Variants in CYB5R3 observed in about 807,000 individuals in gnomAD.
CYB5R3 encodes NADH-cytochrome b5 reductase 3.
Under a neutral mutation model 36.5 loss-of-function variants are expected in CYB5R3, and 28 were observed. That is an observed-to-expected ratio of 0.77 (90% confidence interval 0.57 to 1.05). The LOEUF (loss-of-function observed/expected upper bound fraction) is 1.05. CYB5R3 is among the 50% of genes least tolerant of loss of function. CYB5R3 has a pLI of 0.00. For synonymous variants in CYB5R3, 181 were observed against 159.8 expected (o/e 1.13, Z -1.00); for missense variants, 474 against 408.9 (o/e 1.16, Z -1.37).
At chr22:42,627,452 G>T in intron 6 of CYB5R3, 63 bp from the exon 7 acceptor site, 1 of 1,554,312 alleles carries the variant, frequency 6.4e-7, no homozygotes, top group Non-Finnish European at 8.8e-7. Context: ...GCACCGCCCC[G>T]CCCAGGTGTA....
intron 7 of CYB5R3, among the ~76,000 whole-genome samples, chr22:42,626,327 T>A (rs1455245025): frequency 6.6e-6 from 1 of 152,080 alleles, no homozygotes; most frequent in Non-Finnish European, 1.5e-5. Flanking sequence ...AATAAATAAA[T>A]AAAACCCTGG....
At chr22:42,636,621 T>C (rs957280400) in intron 2 of CYB5R3, 94 bp downstream of exon 2, 13 of 1,546,040 alleles carry the variant, frequency 8.4e-6, no homozygotes, top group Non-Finnish European at 8.7e-6. Context: ...TGGACAACAG[T>C]ATCTACTTCA....
chr22:42,643,116 T>G (rs1601950201), intron 1 of CYB5R3, among the ~76,000 whole-genome samples: 1 of 152,196 alleles, frequency 6.6e-6, no homozygotes, highest in East Asian at 1.9e-4. Context: ...GCTCCTAACC[T>G]CTCAAGGCCT....
chr22:42,631,516 C>T (rs1483156173), intron 2 of CYB5R3, 66 bp from the exon 3 acceptor site: 2 of 1,366,498 alleles, frequency 1.5e-6, no homozygotes, highest in African/African-American at 1.4e-5. Flanking sequence ...GGCTCCCAGG[C>T]CTCGGAGCCC....
chr22:42,635,204 G>C (rs5751314), intron 2 of CYB5R3, among the ~76,000 whole-genome samples: 41,871 of 151,778 alleles, frequency 0.28, 7,126 homozygotes, highest in South Asian at 0.4. Context: ...TCCTGACCTT[G>C]TGATCCGCCT....
intron 6 of CYB5R3, 57 bp downstream of exon 6, chr22:42,627,548 C>A: frequency 6.4e-7 from 1 of 1,554,258 alleles, no homozygotes; most frequent in South Asian, 1.1e-5. Context: ...CTCACCCACA[C>A]CCCAACCCCA....
At chr22:42,644,701 G>A (rs933421212) in intron 1 of CYB5R3, 1 of 981,962 alleles carries the variant, frequency 1.0e-6, no homozygotes, top group African/African-American at 1.8e-5. Flanking sequence ...ATAGAGTCTA[G>A]GGAAAAAGTT....
In CYB5R3 at chr22:42,636,736, C is replaced by T. The variant is rs5996200; in HGVS notation, c.132G>A (p.Pro44=). 0.13 allele frequency: 216,337 copies of T among 1,612,544 alleles called. 15,689 individuals are homozygous for T. Among genetic ancestry groups the T allele is most frequent in the Middle Eastern group, 0.18 (1,072 of 6,054 alleles). The change falls in exon 2 of 9, where the codon CCG becomes CCA. Residue 44 remains proline, a synonymous_variant. Transcript: ENST00000352397. ...TCACCTCCCGGTCGATGAGCCGCAG[C>T]GGGTACTTGATGTCCGGGCTCTCGA... ...ITLESPDIKY[P]LRLIDREIIS...
intron 5 of CYB5R3, among the ~76,000 whole-genome samples, chr22:42,627,912 G>A (rs534193807): frequency 1.1e-4 from 17 of 152,248 alleles, no homozygotes; most frequent in African/African-American, 4.1e-4. Context: ...TGCTGAGAAA[G>A]CCAAATAGAG....
intron 8 of CYB5R3, among the ~76,000 whole-genome samples, chr22:42,620,645 A>G (rs1193059114): frequency 6.6e-6 from 1 of 152,212 alleles, no homozygotes; most frequent in Non-Finnish European, 1.5e-5. Context: ...TGGCTGACAC[A>G]GACACCCTGC....
In CYB5R3 at chr22:42,628,212, G is replaced by A; in HGVS notation, c.403C>T (p.Gln135Ter). 5 of 1,614,122 alleles carry A rather than the reference G, an allele frequency of 3.1e-6. No individual in the cohort carries two copies. Among genetic ancestry groups the A allele is most frequent in the Non-Finnish European group, 4.2e-6 (5 of 1,179,982 alleles). ...CGGAACTCAATGGTGTCTCCAATCT[G>A]CATGCTCTCCAGGTACTGAGACATC... ...GKMSQYLESM[Q>*]IGDTIEFRGP... Residue 135 changes from glutamine to a stop codon, truncating the protein, a stop_gained, in exon 5 of 9, where the codon CAG becomes TAG. Transcript: ENST00000352397. LOFTEE classifies it high-confidence loss of function.
intron 2 of CYB5R3, among the ~76,000 whole-genome samples, chr22:42,635,278 G>T (rs949446286): frequency 6.6e-6 from 1 of 150,946 alleles, no homozygotes; most frequent in Non-Finnish European, 1.5e-5. Context: ...CCAATTTTTT[G>T]TATTTTTAGT....
At position 42,619,927 on chromosome 22, in the gene CYB5R3, C is replaced by A. The variant is rs772395978; in HGVS notation, c.752G>T (p.Gly251Val). The change falls in exon 9 of 9, where the codon GGC (glycine) becomes GTC (valine). Residue 251 changes from glycine to valine, a missense_variant. Gly to Val is a moderately radical substitution (Grantham distance 109). Transcript: ENST00000352397. ...RAPEAWDYGQGFVNEEMIRDH... is the reference protein window; with the variant it reads ...RAPEAWDYGQVFVNEEMIRDH... ...CCGGATCATCTCCTCATTCACGAAGCCCTGGCCGTAGTCCCAGGCTGTGGG... is the reference window on the plus strand; with the variant it reads ...CCGGATCATCTCCTCATTCACGAAGACCTGGCCGTAGTCCCAGGCTGTGGG... 2 of 1,603,774 alleles carry A rather than the reference C, an allele frequency of 1.2e-6. No homozygotes were observed. Among genetic ancestry groups the A allele is most frequent in the Non-Finnish European group, 1.7e-6 (2 of 1,175,130 alleles).
chr22:42,631,547 G>C, intron 2 of CYB5R3, 97 bp from the exon 3 acceptor site: 1 of 1,056,482 alleles, frequency 9.5e-7, no homozygotes, highest in Non-Finnish European at 1.4e-6. Context: ...CCTCCTTTGT[G>C]TCCCCACCCT....
In CYB5R3 at chr22:42,636,866, G is replaced by A. The variant is rs751028345; in HGVS notation, c.22-20C>T. The A allele has an allele frequency of 7.4e-6, 12 of 1,611,186 alleles. No individual in the cohort carries two copies. The highest frequency in any genetic ancestry group is 1.3e-5 in the African/African-American group (1 of 74,906). ...GCCCAACTGAAACGACAGGACCCGCGGGGTCAGTGCAGGAGCCTGCCTTTC... is the reference window on the plus strand; with the variant it reads ...GCCCAACTGAAACGACAGGACCCGCAGGGTCAGTGCAGGAGCCTGCCTTTC... On this transcript the variant is annotated intron_variant, in intron 1 of 8. Coordinates refer to ENST00000352397, the MANE Select transcript of CYB5R3 (RefSeq NM_000398.7).
chr22:42,619,894 A>G lies in CYB5R3; in HGVS notation c.785T>C (p.Leu262Pro). The change falls in exon 9 of 9, where the codon CTT becomes CCT. Residue 262 changes from leucine (L) to proline (P), a missense_variant. Transcript: ENST00000352397. ...FVNEEMIRDH[L>P]PPPEEEPLVL... is the part of the protein sequence containing the mutation. ...CAGCGGCTCCTCCTCTGGGGGTGGA[A>G]GGTGGTCCCGGATCATCTCCTCATT... The G allele has an allele frequency of 6.2e-7, 1 of 1,608,426 alleles. No homozygotes were observed. The highest frequency in any genetic ancestry group is 2.2e-5 in the East Asian group (1 of 44,702).
At chr22:42,646,421 G>A (rs1929540478) in intron 1 of CYB5R3, among the ~76,000 whole-genome samples, 1 of 152,190 alleles carries the variant, frequency 6.6e-6, no homozygotes, top group Non-Finnish European at 1.5e-5. Context: ...ATGCACCATA[G>A]CTGAGGGGCT....
chr22:42,635,437 A>C (rs988789529), intron 2 of CYB5R3, among the ~76,000 whole-genome samples: 5 of 150,626 alleles, frequency 3.3e-5, no homozygotes, highest in African/African-American at 1.2e-4. Context: ...ATGGGGTTTC[A>C]CCATGTCGGC....
chr22:42,636,685 G>A (rs1437402746), intron 2 of CYB5R3, 30 bp downstream of exon 2: 6 of 1,606,278 alleles, frequency 3.7e-6, no homozygotes, highest in Non-Finnish European at 4.2e-6. Flanking sequence ...CTGTGATGCT[G>A]ACGAGGCAGC....
Sources: gnomAD v4.1 joint callset for allele counts (sites outside exome capture counted in the v4.1 genomes callset) on GRCh38, gnomAD v4.1.1 for gene constraint, MANE v1.5 for transcripts, NCBI Gene and HGNC (gene_info 2026-07-23, HGNC 2026-07-21) for gene names.